MICAL1: variants seen among roughly 807,000 people sequenced by gnomAD.
MICAL1 encodes microtubule associated monooxygenase, calponin and LIM domain containing 1.
Under a neutral mutation model 131.8 loss-of-function variants are expected in MICAL1, and 95 were observed. That is an observed-to-expected ratio of 0.72 (90% CI 0.61 to 0.86). MICAL1 has a LOEUF of 0.86. Among genes scored for constraint, MICAL1 ranks in the 40% least tolerant of loss-of-function variants. MICAL1 has a pLI of 0.00. For missense variants in MICAL1, 1,292 were observed against 1,380.6 expected (o/e 0.94, Z 1.02); for synonymous variants, 546 against 554.2 (o/e 0.99, Z 0.21).
intron 7 of MICAL1, 76 bp from the exon 8 acceptor site, chr6:109,450,633 C>A: frequency 6.7e-7 from 1 of 1,484,814 alleles, no homozygotes; most frequent in Non-Finnish European, 9.0e-7. Flanking sequence ...CCCTTGGGCG[C>A]AGAAGGTGCA....
intron 1 of MICAL1, chr6:109,465,477 C>T: frequency 3.1e-6 from 2 of 648,374 alleles, no homozygotes; most frequent in Non-Finnish European, 5.2e-6. Context: ...CTCCCTTTGT[C>T]CTAGAAAACA....
rs1562290276 is a variant in MICAL1, at chr6:109,449,489, A to T, written c.1435-8T>A. On this transcript the variant is annotated splice_polypyrimidine_tract_variant and splice_region_variant and intron_variant, in intron 10 of 24. Transcript: ENST00000358807. ...ATCATACAGGTCTCGTACCTAAGGC[A>T]GCCCCGCTCAGGTCTCAAGGCAGGC... The T allele has an allele frequency of 6.2e-7, 1 of 1,614,186 alleles. No homozygotes were observed. The highest frequency in any genetic ancestry group is 2.2e-5 in the East Asian group (1 of 44,880).
Position 109,444,883 on chromosome 6 carries a change from C to T in MICAL1, c.2981+13G>A, listed in dbSNP as rs763518750. ...TGGCCCATGGGCCACTGTCACCATC[C>T]CCTTCCCCTTACGTGATCATGAGCT... On this transcript the variant is annotated intron_variant, in intron 23 of 24. Coordinates refer to ENST00000358807, the MANE Select transcript of MICAL1 (RefSeq NM_022765.4). The T allele has an allele frequency of 5.3e-5, 86 of 1,614,154 alleles. No individual in the cohort carries two copies. In the Admixed American group the frequency reaches 1.3e-3, roughly 25 times the overall value.
At chr6:109,449,285 T>A in intron 11 of MICAL1, 115 bp downstream of exon 11, 1 of 1,152,554 alleles carries the variant, frequency 8.7e-7, no homozygotes, top group Non-Finnish European at 1.3e-6. Context: ...CAGCCAACAA[T>A]GAGTGCTCCG....
chr6:109,453,519 G>T, intron 3 of MICAL1, 119 bp downstream of exon 3: 2 of 1,502,148 alleles, frequency 1.3e-6, no homozygotes, highest in Non-Finnish European at 8.9e-7. Flanking sequence ...GAATCTTCAA[G>T]GTCACCTGGC....
At position 109,446,712 on chromosome 6, in the gene MICAL1, C is replaced by G. The variant is rs747808035; in HGVS notation, c.2288G>C (p.Arg763Thr). The change falls in exon 18 of 25, where the codon AGA becomes ACA. Residue 763 changes from arginine to threonine, a missense_variant. Physicochemically the swap from Arg to Thr is moderately conservative, Grantham distance 71. Transcript: ENST00000358807. Reference protein sequence around the residue: ...QTDHKAEGSDRGPESPELPTP... With the variant: ...QTDHKAEGSDTGPESPELPTP... Reference sequence around the variant, plus strand: ...AGTCTTTACCGGACTCTCAGGGCCTCTATCGCTGCCTTCCGCTTTGTGGTC... The same window carrying G: ...AGTCTTTACCGGACTCTCAGGGCCTGTATCGCTGCCTTCCGCTTTGTGGTC... The G allele has an allele frequency of 1.9e-6, 3 of 1,613,838 alleles. No homozygotes were observed. The highest frequency in any genetic ancestry group is 2.5e-6 in the Non-Finnish European group (3 of 1,179,892).
At chr6:109,449,301 C>T (rs1775404843) in intron 11 of MICAL1, 99 bp downstream of exon 11, 1 of 1,312,292 alleles carries the variant, frequency 7.6e-7, no homozygotes, top group Non-Finnish European at 1.1e-6. Flanking sequence ...CTCCGGCACG[C>T]TGCTCCTGTC....
chr6:109,447,584 T>C, intron 15 of MICAL1, 97 bp downstream of exon 15: 1 of 1,572,930 alleles, frequency 6.4e-7, no homozygotes, highest in Non-Finnish European at 8.7e-7. Context: ...GGACCTGGGG[T>C]GGGGAACAAG....
At chr6:109,460,523 TACAC>T (rs113472586), upstream of MICAL1, among the ~76,000 whole-genome samples, 13 of 147,772 alleles carry the variant, frequency 8.8e-5, no homozygotes, top group Middle Eastern at 3.4e-3. Flanking sequence ...TATATATAAA[TACAC>T]ACACACACAC....
intron 7 of MICAL1, 71 bp from the exon 8 acceptor site, chr6:109,450,628 G>A: frequency 6.7e-7 from 1 of 1,497,012 alleles, no homozygotes; most frequent in South Asian, 1.3e-5. Flanking sequence ...CCACCCCCTT[G>A]GGCGCAGAAG....
chr6:109,448,084 T>C (rs890463614), intron 13 of MICAL1, 119 bp downstream of exon 13: 321 of 1,259,746 alleles, frequency 2.5e-4, no homozygotes, highest in Non-Finnish European at 3.1e-4. Flanking sequence ...GAGGGCGCCT[T>C]CTTCCTCTTT....
At chr6:109,452,143 A>C (rs1466925012) in intron 6 of MICAL1, 103 bp downstream of exon 6, 1 of 1,495,792 alleles carries the variant, frequency 6.7e-7, no homozygotes, top group African/African-American at 1.4e-5. Flanking sequence ...AAAAACAGAA[A>C]AGTGTGGAGT....
At chr6:109,463,697 A>G (rs1431372054) in intron 1 of MICAL1, 1 of 152,254 alleles carries the variant, frequency 6.6e-6, no homozygotes, top group African/African-American at 2.4e-5. Flanking sequence ...AGATGTGCAG[A>G]AAGTGTAAAA....
At position 109,448,366 on chromosome 6, in the gene MICAL1, TC is replaced by T; in HGVS notation, c.1691del (p.Gly564GlufsTer10). The T allele has an allele frequency of 6.2e-7, 1 of 1,613,676 alleles. No individual in the cohort carries two copies. On this transcript the variant is annotated frameshift_variant, in exon 13 of 25. Coordinates refer to ENST00000358807, the MANE Select transcript of MICAL1 (RefSeq NM_022765.4). LOFTEE classifies it high-confidence loss of function. ...LLEPSELQGL[G>X]ALEATAWALK... Reference sequence around the variant, plus strand: ...GTGCCCAAGCAGTTGCTTCCAGAGCTCCCAGCCCCTGCAGCTCTGAGGGTTC... The same window carrying T: ...GTGCCCAAGCAGTTGCTTCCAGAGCTCCAGCCCCTGCAGCTCTGAGGGTTC...
rs1466868054 is a variant in MICAL1, at chr6:109,451,633, C to A, written c.900G>T (p.Lys300Asn). Residue 300 changes from lysine to asparagine, a missense_variant, in exon 7 of 25, where the codon AAG becomes AAT. Transcript: ENST00000358807. ...GCACCCCCAGCCGCAGCAGGCACTG[C>A]TTCTTGGCTGTCATCACAAAGTAGT... The part of the protein sequence containing the change: ...DTHYFVMTAK[K>N]QCLLRLGVLR... 1 of 1,613,998 alleles carries A rather than the reference C, an allele frequency of 6.2e-7. No homozygotes were observed. Among genetic ancestry groups the A allele is most frequent in the African/African-American group, 1.3e-5 (1 of 74,938 alleles).
intron 1 of MICAL1, 70 bp from the exon 2 acceptor site, chr6:109,454,309 A>G: frequency 7.0e-7 from 1 of 1,430,096 alleles, no homozygotes; most frequent in Non-Finnish European, 9.3e-7. Context: ...GGAGGCGAAG[A>G]GAGCAGGCTG....
exon 1 of MICAL1, chr6:109,465,857 C>T: frequency 6.2e-7 from 1 of 1,614,202 alleles, no homozygotes; most frequent in Non-Finnish European, 8.5e-7. Context: ...CAGGTCAGCT[C>T]TGCTCCTGGC....
rs1386504332 is a variant in MICAL1 at position 109,447,962 on chromosome 6, G to A, written c.1857C>T (p.Gly619=). The A allele has an allele frequency of 6.2e-7, 1 of 1,605,278 alleles. No individual in the cohort carries two copies. The highest frequency in any genetic ancestry group is 2.2e-5 in the East Asian group (1 of 44,866). Reference sequence around the variant, plus strand: ...TCCCTGGGGAGGCCTGGCTGACAGGGCCTGCGGGGAGAGCCAGGGCATCAG... The same window carrying A: ...TCCCTGGGGAGGCCTGGCTGACAGGACCTGCGGGGAGAGCCAGGGCATCAG... ...SAFKSMAHSP[G]PVSQASPGTS... Residue 619 remains glycine, a splice_region_variant and synonymous_variant, in exon 14 of 25, where the codon GGC becomes GGT. Coordinates refer to ENST00000358807, the MANE Select transcript of MICAL1 (RefSeq NM_022765.4).
rs1369088278 is a variant in MICAL1 at position 109,453,630 on chromosome 6, G to A, written c.466+8C>T. 1.3e-6 allele frequency: 2 copies of A among 1,588,148 alleles called. No homozygotes were observed. Among genetic ancestry groups the A allele is most frequent in the East Asian group, 2.3e-5 (1 of 43,068 alleles). ...ACCCGCCCCTCCAGGCCACCACGTG[G>A]TGCTCACTGATGTGGTCCAGGGTGC... On this transcript the variant is annotated splice_region_variant and intron_variant, in intron 3 of 24. Coordinates refer to ENST00000358807, the MANE Select transcript of MICAL1 (RefSeq NM_022765.4).
Sources: gnomAD v4.1 joint callset for allele counts (sites outside exome capture counted in the v4.1 genomes callset) on GRCh38, gnomAD v4.1.1 for gene constraint, MANE v1.5 for transcripts, NCBI Gene and HGNC (gene_info 2026-07-23, HGNC 2026-07-21) for gene names.